Variants in CBLB observed in about 807,000 individuals in gnomAD.
CBLB encodes E3 ubiquitin-protein ligase CBL-B.
In CBLB, 31 loss-of-function variants were observed where a neutral mutation model predicts 104.9. The observed-to-expected ratio is 0.30, with a 90% CI of 0.22 to 0.40. CBLB has a LOEUF of 0.40. Among genes scored for constraint, CBLB ranks in the 10% least tolerant of loss-of-function variants. The pLI, the probability that CBLB is intolerant of heterozygous loss-of-function variation, is 1.00. For missense variants in CBLB, 1,062 were observed against 1,214.6 expected (o/e 0.87, Z 1.87); for synonymous variants, 440 against 422.6 (o/e 1.04, Z -0.51).
intron 3 of CBLB, among the ~76,000 whole-genome samples, chr3:105,852,188 TC>T (rs1468175376): frequency 2.0e-5 from 3 of 152,248 alleles, no homozygotes; most frequent in South Asian, 4.1e-4. Flanking sequence ...GGCACTATTA[TC>T]ACAGATGATA....
At chr3:105,867,283 G>A (rs960386222) in intron 2 of CBLB, 127 bp downstream of exon 2, 19 of 990,580 alleles carry the variant, frequency 1.9e-5, no homozygotes, top group Non-Finnish European at 4.8e-6. Flanking sequence ...GAAGAAAAAT[G>A]ATGAATTGAA....
chr3:105,805,860 T>C (rs1227976063), intron 3 of CBLB, among the ~76,000 whole-genome samples: 1 of 151,638 alleles, frequency 6.6e-6, no homozygotes, highest in Non-Finnish European at 1.5e-5. Flanking sequence ...TGAATTATAT[T>C]CACGTATCTC....
Position 105,693,534 on chromosome 3 carries a change from A to G in CBLB, c.2014T>C (p.Ser672Pro). 6.2e-7 allele frequency: 1 copy of G among 1,612,728 alleles called. No homozygotes were observed. Among genetic ancestry groups the G allele is most frequent in the Non-Finnish European group, 8.5e-7 (1 of 1,178,978 alleles). ...SEEYDVPPRL[S>P]PPPPVTTLLP... ...AGGGTGGTAACTGGAGGAGGAGGAG[A>G]AAGCCGGGGAGGAACATCATATTCT... Residue 672 changes from serine to proline, a missense_variant, in exon 13 of 19, where the codon TCT becomes CCT. Ser to Pro is a moderately conservative substitution (Grantham distance 74). Transcript: ENST00000394030.
intron 16 of CBLB, among the ~76,000 whole-genome samples, chr3:105,679,891 C>T (rs961290789): frequency 6.6e-6 from 1 of 152,076 alleles, no homozygotes; most frequent in Admixed American, 6.5e-5. Flanking sequence ...CAGAGTTTTG[C>T]TATCATTTTA....
chr3:105,791,429 G>C (rs1446538628), intron 3 of CBLB, among the ~76,000 whole-genome samples: 1 of 148,522 alleles, frequency 6.7e-6, no homozygotes, highest in African/African-American at 2.6e-5. Flanking sequence ...GTGTAGTAAA[G>C]AAATATATCC....
chr3:105,859,486 C>T (rs977000558), intron 2 of CBLB, among the ~76,000 whole-genome samples: 5 of 151,998 alleles, frequency 3.3e-5, no homozygotes, highest in African/African-American at 1.2e-4. Flanking sequence ...CCTGTTTCTA[C>T]TAAAAATACA....
intron 18 of CBLB, among the ~76,000 whole-genome samples, chr3:105,663,417 C>CTT: frequency 6.6e-6 from 1 of 152,164 alleles, no homozygotes; most frequent in East Asian, 1.9e-4. Flanking sequence ...AGCTGCTTGA[C>CTT]TGATCACAGG....
intron 10 of CBLB, among the ~76,000 whole-genome samples, chr3:105,713,653 T>G (rs1424737541): frequency 6.6e-6 from 1 of 152,198 alleles, no homozygotes; most frequent in Non-Finnish European, 1.5e-5. Context: ...GTTGTTTCTT[T>G]TGCTAATCAC....
intron 16 of CBLB, 65 bp downstream of exon 16, chr3:105,681,414 T>C (rs924536321): frequency 2.3e-5 from 36 of 1,551,886 alleles, no homozygotes; most frequent in Non-Finnish European, 3.2e-5. Context: ...AACTCTGAAT[T>C]CTGAAAATTC....
intron 3 of CBLB, among the ~76,000 whole-genome samples, chr3:105,795,472 A>G (rs115035818): frequency 3.6e-4 from 55 of 152,352 alleles, no homozygotes; most frequent in African/African-American, 1.3e-3. Context: ...GTGGATAGAT[A>G]TATGTTGAGT....
intron 1 of CBLB, chr3:105,868,270 C>T (rs1706441883): frequency 2.5e-6 from 3 of 1,220,562 alleles, no homozygotes; most frequent in Non-Finnish European, 3.1e-6. Flanking sequence ...ATGACAAGAG[C>T]GGCCACGGAA....
At chr3:105,698,450 A>G (rs1004538725) in intron 12 of CBLB, among the ~76,000 whole-genome samples, 1 of 152,036 alleles carries the variant, frequency 6.6e-6, no homozygotes, top group African/African-American at 2.4e-5. Context: ...ACTTTTATAA[A>G]TTCCCTTGTG....
At chr3:105,684,626 C>G (rs1210507987) in intron 14 of CBLB, among the ~76,000 whole-genome samples, 1 of 151,806 alleles carries the variant, frequency 6.6e-6, no homozygotes, top group Non-Finnish European at 1.5e-5. Flanking sequence ...AATCTCGGCT[C>G]ACTGCAACCT....
rs1438230243 is a variant in CBLB, at chr3:105,796,167, G to A, written c.420-19625C>T. On this transcript the variant is annotated intron_variant, in intron 3 of 18. Transcript: ENST00000394030. Reference sequence around the variant, plus strand: ...CCTAAGCAAAAACAACAAAGCTAGAGACATCACAATACCTGACTTCAAACT... The same window carrying A: ...CCTAAGCAAAAACAACAAAGCTAGAAACATCACAATACCTGACTTCAAACT... Among the ~76,000 whole-genome samples, 7 of 152,254 alleles carry A rather than the reference G, an allele frequency of 4.6e-5. No individual in the cohort carries two copies. In the East Asian group the frequency reaches 1.2e-3, roughly 25 times the overall value.
intron 17 of CBLB, 103 bp from the exon 18 acceptor site, chr3:105,670,455 T>C: frequency 1.0e-6 from 1 of 953,898 alleles, no homozygotes; most frequent in Non-Finnish European, 1.6e-6. Context: ...CTTTCAAAAA[T>C]AAATTAGAAA....
chr3:105,725,459 A>G (rs968268613), intron 9 of CBLB, among the ~76,000 whole-genome samples: 1 of 152,164 alleles, frequency 6.6e-6, no homozygotes, highest in African/African-American at 2.4e-5. Flanking sequence ...CGGTCCACAC[A>G]CTCTACAATA....
At chr3:105,737,866 C>T (rs2075125488) in intron 7 of CBLB, among the ~76,000 whole-genome samples, 1 of 152,240 alleles carries the variant, frequency 6.6e-6, no homozygotes, top group Middle Eastern at 3.4e-3. Context: ...TGTTACGTTT[C>T]CATGTTTCAT....
intron 12 of CBLB, among the ~76,000 whole-genome samples, chr3:105,694,007 T>C (rs2068034477): frequency 6.6e-6 from 1 of 152,018 alleles, no homozygotes; most frequent in Admixed American, 6.6e-5. Flanking sequence ...CTCTAAATTA[T>C]ATTTCTCCAT....
chr3:105,792,141 T>C (rs1474757404), intron 3 of CBLB, among the ~76,000 whole-genome samples: 1 of 152,186 alleles, frequency 6.6e-6, no homozygotes, highest in Admixed American at 6.5e-5. Flanking sequence ...TATACTTTAA[T>C]AAGATCCCCA....
Sources: gnomAD v4.1 joint callset for allele counts (sites outside exome capture counted in the v4.1 genomes callset) on GRCh38, gnomAD v4.1.1 for gene constraint, MANE v1.5 for transcripts, NCBI Gene and HGNC (gene_info 2026-07-23, HGNC 2026-07-21) for gene names.